SCFD2: variants seen among roughly 807,000 people sequenced by gnomAD.
SCFD2 encodes sec1 family domain containing 2, also known as sec1 family domain-containing protein 2.
A neutral mutation model predicts 58.9 loss-of-function variants in SCFD2; 54 were observed. That is an observed-to-expected ratio of 0.92 (90% confidence interval 0.74 to 1.15). SCFD2 has a LOEUF of 1.15. Among genes scored for constraint, SCFD2 ranks in the 50% most tolerant of loss-of-function variants. The pLI is 0.00. For synonymous variants in SCFD2, 321 were observed against 335.9 expected (o/e 0.96, Z 0.49); for missense variants, 805 against 836.6 (o/e 0.96, Z 0.47).
intron 5 of SCFD2, among the ~76,000 whole-genome samples, chr4:53,010,354 A>G (rs1381214153): frequency 2.0e-5 from 3 of 152,228 alleles, no homozygotes; most frequent in Non-Finnish European, 4.4e-5. Context: ...TCAAGATACG[A>G]CAAAAATTTA....
chr4:52,888,100 C>T (rs1038436574), intron 7 of SCFD2, among the ~76,000 whole-genome samples: 23 of 151,782 alleles, frequency 1.5e-4, no homozygotes, highest in African/African-American at 5.1e-4. Flanking sequence ...TTAGTAGAGA[C>T]GGGGTTTCAC....
chr4:53,343,721 T>G (rs940843645), intron 2 of SCFD2, among the ~76,000 whole-genome samples: 1 of 152,136 alleles, frequency 6.6e-6, no homozygotes, highest in African/African-American at 2.4e-5. Context: ...ACTGGCAAAC[T>G]GAATCCAGCA....
chr4:53,177,575 C>T (rs1181661850), intron 4 of SCFD2, among the ~76,000 whole-genome samples: 1 of 152,168 alleles, frequency 6.6e-6, no homozygotes, highest in Admixed American at 6.5e-5. Flanking sequence ...GTCTACAGCT[C>T]CCAGCGTGAG....
intron 4 of SCFD2, among the ~76,000 whole-genome samples, chr4:53,267,653 C>G (rs976284904): frequency 2.6e-5 from 4 of 152,126 alleles, no homozygotes; most frequent in African/African-American, 9.7e-5. Context: ...TATTCACAGG[C>G]CACTGCAGCC....
At chr4:53,331,066 C>T (rs1300475279) in intron 2 of SCFD2, among the ~76,000 whole-genome samples, 2 of 151,468 alleles carry the variant, frequency 1.3e-5, no homozygotes, top group East Asian at 1.9e-4. Flanking sequence ...TATATATGCA[C>T]CCAATACAGG....
chr4:53,085,727 T>A (rs1440752951), intron 5 of SCFD2, among the ~76,000 whole-genome samples: 6 of 151,782 alleles, frequency 4.0e-5, no homozygotes, highest in African/African-American at 1.2e-4. Context: ...CAGAAACAAA[T>A]CCATACACCT....
At chr4:52,950,528 C>T (rs956921791) in intron 5 of SCFD2, 32 of 152,288 alleles carry the variant, frequency 2.1e-4, no homozygotes, top group African/African-American at 7.5e-4. Flanking sequence ...GAATGAAATA[C>T]AGGAAAGCAA....
At chr4:53,067,028 GA>G (rs1452501637) in intron 5 of SCFD2, among the ~76,000 whole-genome samples, 1 of 152,020 alleles carries the variant, frequency 6.6e-6, no homozygotes, top group African/African-American at 2.4e-5. Flanking sequence ...ATGAAAGGCA[GA>G]GGAAAAATAA....
chr4:53,160,455 G>T (rs78576535), intron 4 of SCFD2, among the ~76,000 whole-genome samples: 3,431 of 152,278 alleles, frequency 0.023, 58 homozygotes, highest in Non-Finnish European at 0.033. Flanking sequence ...GCAGTGGTTT[G>T]TTGCTAGACT....
intron 5 of SCFD2, among the ~76,000 whole-genome samples, chr4:53,080,889 C>A (rs1724128642): frequency 6.6e-6 from 1 of 152,020 alleles, no homozygotes; most frequent in South Asian, 2.1e-4. Flanking sequence ...ATACATGATA[C>A]AAAACTGCCA....
intron 2 of SCFD2, among the ~76,000 whole-genome samples, chr4:53,318,897 T>C (rs1243034375): frequency 6.6e-6 from 1 of 152,216 alleles, no homozygotes; most frequent in Non-Finnish European, 1.5e-5. Context: ...AGCTAAACTA[T>C]TATCTGAAGC....
At chr4:53,099,955 A>C (rs1448117075) in intron 5 of SCFD2, among the ~76,000 whole-genome samples, 1 of 152,194 alleles carries the variant, frequency 6.6e-6, no homozygotes, top group Admixed American at 6.5e-5. Context: ...ATTGAACCTC[A>C]TTCTAGTTCA....
At chr4:53,179,000 T>C (rs1442756754) in intron 4 of SCFD2, among the ~76,000 whole-genome samples, 1 of 152,142 alleles carries the variant, frequency 6.6e-6, no homozygotes, top group Non-Finnish European at 1.5e-5. Context: ...TGGGACTCTG[T>C]GAAAAGAGCA....
intron 5 of SCFD2, among the ~76,000 whole-genome samples, chr4:53,139,797 C>A (rs955113956): frequency 1.2e-4 from 18 of 152,198 alleles, no homozygotes; most frequent in African/African-American, 3.4e-4. Context: ...AAAGAGAGAT[C>A]GGATTGTTAC....
chr4:52,957,206 A>G (rs1720732474), intron 5 of SCFD2: 1 of 152,146 alleles, frequency 6.6e-6, no homozygotes, highest in Admixed American at 6.5e-5. Flanking sequence ...TTTCCACCTG[A>G]GCCCTGCAGA....
chr4:53,100,768 T>A (rs1724810588), intron 5 of SCFD2, among the ~76,000 whole-genome samples: 1 of 152,230 alleles, frequency 6.6e-6, no homozygotes, highest in African/African-American at 2.4e-5. Context: ...TCCCAAAAAT[T>A]TGCTTTCTTT....
At chr4:53,271,033 G>A (rs777580513) in intron 4 of SCFD2, among the ~76,000 whole-genome samples, 1 of 152,000 alleles carries the variant, frequency 6.6e-6, no homozygotes, top group Non-Finnish European at 1.5e-5. Context: ...TAAGGATTCA[G>A]AAAGTTTTTT....
chr4:53,216,219 T>A, intron 4 of SCFD2, among the ~76,000 whole-genome samples: 1 of 152,218 alleles, frequency 6.6e-6, no homozygotes, highest in Middle Eastern at 3.2e-3. Context: ...TCAGAAGGAA[T>A]GGTACCAGCT....
chr4:53,364,311 T>C lies in SCFD2; in HGVS notation c.838+793A>G, dbSNP rs549240493. Reference sequence around the variant, plus strand: ...CGATTAAAGGGAATGCCTACCAATGTCAGTTTTCCGATTATTCTCCCTGGA... The same window carrying C: ...CGATTAAAGGGAATGCCTACCAATGCCAGTTTTCCGATTATTCTCCCTGGA... On this transcript the variant is annotated intron_variant, in intron 1 of 8. Transcript: ENST00000401642. Among the ~76,000 whole-genome samples, 3 of 152,304 alleles carry C rather than the reference T, an allele frequency of 2.0e-5. No homozygotes were observed. The East Asian group carries it at 5.8e-4, about 29-fold the overall frequency.
Sources: gnomAD v4.1 joint callset for allele counts (sites outside exome capture counted in the v4.1 genomes callset) on GRCh38, gnomAD v4.1.1 for gene constraint, MANE v1.5 for transcripts, NCBI Gene and HGNC (gene_info 2026-07-23, HGNC 2026-07-21) for gene names.